NRXN3: variants seen among roughly 807,000 people sequenced by gnomAD.
NRXN3 encodes neurexin 3.
A neutral mutation model predicts 137.6 loss-of-function variants in NRXN3; 32 were observed. The observed-to-expected ratio is 0.23, with a 90% CI of 0.18 to 0.31. NRXN3 has a LOEUF of 0.31. Among genes scored for constraint, NRXN3 ranks in the 10% least tolerant of loss-of-function variants. The pLI, the probability that NRXN3 is intolerant of heterozygous loss-of-function variation, is 1.00. For missense variants in NRXN3, 1,574 were observed against 2,062.5 expected, an observed-to-expected ratio of 0.76 and a Z score of 4.59; for synonymous variants, 798 against 784.5, an observed-to-expected ratio of 1.02 and a Z score of -0.29.
rs551829063 is a variant in NRXN3 at position 78,254,822 on chromosome 14, A to G, written c.709+11020A>G. On this transcript the variant is annotated intron_variant, in intron 2 of 20. Coordinates refer to ENST00000335750, the MANE Select transcript of NRXN3 (RefSeq NM_001330195.2). ...TAAAGATTTCGCTAAAAGGCCTAGT[A>G]GTATTTTTTTTCTTTTCTTTTCTTT... Among the ~76,000 whole-genome samples the G allele has an allele frequency of 3.3e-5, 5 of 152,324 alleles. No individual in the cohort carries two copies. The South Asian group carries it at 6.2e-4, about 19-fold the overall frequency.
intron 15 of NRXN3, among the ~76,000 whole-genome samples, chr14:79,442,350 G>A (rs532338063): frequency 3.9e-5 from 6 of 152,280 alleles, no homozygotes; most frequent in Admixed American, 3.9e-4. Flanking sequence ...TTTAAGTAAT[G>A]TTCATGGGGA....
chr14:79,392,763 A>G (rs2153475572), intron 15 of NRXN3, among the ~76,000 whole-genome samples: 1 of 152,166 alleles, frequency 6.6e-6, no homozygotes, highest in East Asian at 1.9e-4. Context: ...TGAGGTCAGG[A>G]GATCGAGACC....
chr14:78,472,073 G>A (rs1164458593), intron 4 of NRXN3, among the ~76,000 whole-genome samples: 7 of 152,192 alleles, frequency 4.6e-5, no homozygotes, highest in Non-Finnish European at 8.8e-5. Context: ...GAAAAGACAG[G>A]CATCAGAAGA....
At chr14:79,349,638 AC>A (rs2093104666) in intron 15 of NRXN3, among the ~76,000 whole-genome samples, 1 of 151,672 alleles carries the variant, frequency 6.6e-6, no homozygotes, top group Non-Finnish European at 1.5e-5. Flanking sequence ...GTACCTAAAA[AC>A]CTTAAAACCT....
intron 4 of NRXN3, among the ~76,000 whole-genome samples, chr14:78,456,143 A>G (rs555323651): frequency 7.1e-4 from 108 of 152,186 alleles, no homozygotes; most frequent in Non-Finnish European, 9.4e-4. Flanking sequence ...GTCGCAGGAC[A>G]AACAGCACTG....
intron 16 of NRXN3, among the ~76,000 whole-genome samples, chr14:79,488,355 T>C (rs1443229982): frequency 6.6e-6 from 1 of 152,170 alleles, no homozygotes; most frequent in African/African-American, 2.4e-5. Context: ...TACATATGTC[T>C]TACTTATCAC....
At chr14:78,576,256 T>G (rs1341321733) in intron 4 of NRXN3, among the ~76,000 whole-genome samples, 1 of 152,222 alleles carries the variant, frequency 6.6e-6, no homozygotes, top group Non-Finnish European at 1.5e-5. Flanking sequence ...CAGCCATTTC[T>G]GTGGCATTGG....
At chr14:78,357,722 C>A (rs1449533122) in intron 4 of NRXN3, among the ~76,000 whole-genome samples, 3 of 152,162 alleles carry the variant, frequency 2.0e-5, no homozygotes, top group African/African-American at 7.2e-5. Context: ...AGGAAGAATT[C>A]TGTTTTTACC....
intron 16 of NRXN3, among the ~76,000 whole-genome samples, chr14:79,603,358 C>T (rs1458730376): frequency 1.3e-5 from 2 of 152,182 alleles, no homozygotes; most frequent in Non-Finnish European, 2.9e-5. Flanking sequence ...GCACCCCAAG[C>T]TGGAATTACA....
chr14:79,508,979 G>A (rs1256913249), intron 16 of NRXN3, among the ~76,000 whole-genome samples: 1 of 151,850 alleles, frequency 6.6e-6, no homozygotes, highest in Admixed American at 6.6e-5. Flanking sequence ...ATCATTTGAG[G>A]ATCACAGGAG....
At chr14:79,779,338 C>A (rs2099106831) in intron 19 of NRXN3, among the ~76,000 whole-genome samples, 1 of 152,134 alleles carries the variant, frequency 6.6e-6, no homozygotes, top group Non-Finnish European at 1.5e-5. Context: ...GTCTCGAACT[C>A]CCGACCTCAG....
chr14:79,097,013 A>ATT (rs75520562), intron 15 of NRXN3, among the ~76,000 whole-genome samples: 46,800 of 143,192 alleles, frequency 0.33, 7,792 homozygotes, highest in Admixed American at 0.46. Context: ...GGCCAAAATG[A>ATT]TTTTTTTTTT....
chr14:79,730,693 A>G (rs1436706072), intron 19 of NRXN3, among the ~76,000 whole-genome samples: 1 of 152,184 alleles, frequency 6.6e-6, no homozygotes, highest in Non-Finnish European at 1.5e-5. Flanking sequence ...TAATTCCACA[A>G]ACTGTGCTCC....
chr14:78,213,762 C>T (rs1448973830), intron 1 of NRXN3, among the ~76,000 whole-genome samples: 1 of 152,010 alleles, frequency 6.6e-6, no homozygotes, highest in African/African-American at 2.4e-5. Flanking sequence ...TGGCTACCCT[C>T]ATAGGGGAGG....
At position 78,471,317 on chromosome 14, in the gene NRXN3, CA is replaced by C. The variant is rs1282830364; in HGVS notation, c.757+173458del. On this transcript the variant is annotated intron_variant, in intron 4 of 20. Coordinates refer to ENST00000335750, the MANE Select transcript of NRXN3 (RefSeq NM_001330195.2). ...ACACACACACACACACACACACACA[CA>C]CACACACACACACACCCCCAAGAAA... 2.3e-3 allele frequency among the ~76,000 whole-genome samples: 188 copies of C among 82,338 alleles called. 1 individual carries two copies. The highest frequency in any genetic ancestry group is 8.4e-3 in the African/African-American group (173 of 20,678). 54.0% of individuals were successfully genotyped at this position (82,338 alleles called of 152,430 possible).
At chr14:79,617,961 A>G (rs2098179643) in intron 16 of NRXN3, among the ~76,000 whole-genome samples, 1 of 148,038 alleles carries the variant, frequency 6.8e-6, no homozygotes, top group Non-Finnish European at 1.5e-5. Flanking sequence ...CCTAGTGAAA[A>G]TGACACTCCT....
intron 16 of NRXN3, among the ~76,000 whole-genome samples, chr14:79,517,612 C>A (rs2097005803): frequency 6.6e-6 from 1 of 152,014 alleles, no homozygotes; most frequent in African/African-American, 2.4e-5. Context: ...TATTCATTTT[C>A]ATAATTTTTA....
intron 15 of NRXN3, among the ~76,000 whole-genome samples, chr14:79,283,909 G>A (rs2153448587): frequency 6.6e-6 from 1 of 152,042 alleles, no homozygotes; most frequent in East Asian, 1.9e-4. Context: ...AAAGTGCAAG[G>A]AGTGGGTGGA....
chr14:79,723,787 G>A (rs1008342608), intron 19 of NRXN3, among the ~76,000 whole-genome samples: 1 of 152,088 alleles, frequency 6.6e-6, no homozygotes, highest in South Asian at 2.1e-4. Flanking sequence ...GAACCTCTGA[G>A]CTAGAAAAAC....
Sources: allele counts gnomAD v4.1 joint callset (sites outside exome capture counted in the v4.1 genomes callset), GRCh38; gene constraint gnomAD v4.1.1; transcripts MANE v1.5; gene names NCBI Gene and HGNC (gene_info 2026-07-23, HGNC 2026-07-21).